The following WDR70 variants were observed in gnomAD, a reference collection of about 807,000 sequenced individuals.
WDR70 encodes WD repeat-containing protein 70.
Under a neutral mutation model 88.6 loss-of-function variants are expected in WDR70, and 53 were observed. The ratio of observed to expected loss-of-function variants is 0.60; its 90% CI spans 0.48 to 0.75. WDR70 has a LOEUF of 0.75. WDR70 is among the 30% of genes least tolerant of loss of function. The pLI is 0.00. For missense variants in WDR70, 610 were observed against 823.2 expected (o/e 0.74, Z 3.17); for synonymous variants, 280 against 270.0 (o/e 1.04, Z -0.36).
At chr5:37,483,720 G>A (rs545981987) in intron 8 of WDR70, among the ~76,000 whole-genome samples, 27 of 151,070 alleles carry the variant, frequency 1.8e-4, no homozygotes, top group African/African-American at 6.3e-4. Flanking sequence ...GCGGTGGCCT[G>A]GAGGAGGTGC....
intron 2 of WDR70, among the ~76,000 whole-genome samples, chr5:37,380,073 T>C (rs1748377575): frequency 6.6e-6 from 1 of 152,204 alleles, no homozygotes; most frequent in South Asian, 2.1e-4. Flanking sequence ...GTAGGTATTA[T>C]TATTTAAAAA....
intron 13 of WDR70, among the ~76,000 whole-genome samples, chr5:37,706,925 G>A (rs1747345113): frequency 6.6e-6 from 1 of 151,824 alleles, no homozygotes; most frequent in Admixed American, 6.6e-5. Context: ...TATGTATTAT[G>A]TAAAGGGCTT....
At chr5:37,456,530 A>G (rs551671700) in intron 7 of WDR70, among the ~76,000 whole-genome samples, 1 of 152,298 alleles carries the variant, frequency 6.6e-6, no homozygotes, top group South Asian at 2.1e-4. Context: ...AAATAGAAAA[A>G]GTAGTTTCCA....
At chr5:37,523,981 GA>G (rs1330092749) in intron 9 of WDR70, among the ~76,000 whole-genome samples, 1 of 152,212 alleles carries the variant, frequency 6.6e-6, no homozygotes, top group Non-Finnish European at 1.5e-5. Context: ...GGGACTATGT[GA>G]AAAGACCAAA....
chr5:37,475,189 G>T (rs1739440943), intron 7 of WDR70, among the ~76,000 whole-genome samples: 1 of 121,630 alleles, frequency 8.2e-6, no homozygotes, highest in Admixed American at 1.0e-4. Flanking sequence ...CAAAATGCTG[G>T]GATTATAGGT....
intron 10 of WDR70, among the ~76,000 whole-genome samples, chr5:37,613,983 G>A (rs1027799468): frequency 6.6e-6 from 1 of 152,188 alleles, no homozygotes; most frequent in Non-Finnish European, 1.5e-5. Context: ...TGTATGGCAA[G>A]CTAAGAATGG....
rs577426492 is a variant in WDR70 at position 37,735,551 on chromosome 5, G to T, written c.1877+8506G>T. 3.9e-5 allele frequency among the ~76,000 whole-genome samples: 6 copies of T among 152,184 alleles called. No individual in the cohort carries two copies. The South Asian group carries it at 1.2e-3, about 32-fold the overall frequency. On this transcript the variant is annotated intron_variant, in intron 17 of 17. Transcript: ENST00000265107. ...CGCTGCATTTTGCTATCATCTCTTT[G>T]CTTCCACCCAATTTCGTCACCTTGC...
chr5:37,679,690 C>T (rs1226290280), intron 10 of WDR70, among the ~76,000 whole-genome samples: 3 of 152,220 alleles, frequency 2.0e-5, no homozygotes, highest in Non-Finnish European at 4.4e-5. Flanking sequence ...GGATCAGGCA[C>T]CCACTTGAGG....
At chr5:37,504,836 T>A (rs1482214059) in intron 8 of WDR70, among the ~76,000 whole-genome samples, 1 of 152,198 alleles carries the variant, frequency 6.6e-6, no homozygotes, top group African/African-American at 2.4e-5. Context: ...GTCTGTAGAA[T>A]TCAGAACCCA....
intron 9 of WDR70, among the ~76,000 whole-genome samples, chr5:37,546,366 A>C (rs1741992011): frequency 6.6e-6 from 1 of 152,204 alleles, no homozygotes; most frequent in Non-Finnish European, 1.5e-5. Flanking sequence ...CTACACCTTC[A>C]AAAATGTTGG....
chr5:37,654,886 C>A (rs900075546), intron 10 of WDR70, among the ~76,000 whole-genome samples: 1 of 152,140 alleles, frequency 6.6e-6, no homozygotes, highest in South Asian at 2.1e-4. Context: ...ACTGATGGGT[C>A]TTGACTATTT....
At chr5:37,431,909 A>G (rs1161718235) in intron 5 of WDR70, among the ~76,000 whole-genome samples, 1 of 152,158 alleles carries the variant, frequency 6.6e-6, no homozygotes, top group Non-Finnish European at 1.5e-5. Flanking sequence ...AGACGGAAAA[A>G]TATTCTGTTT....
chr5:37,391,736 G>A (rs1181400719), intron 3 of WDR70, among the ~76,000 whole-genome samples: 2 of 152,200 alleles, frequency 1.3e-5, no homozygotes, highest in Non-Finnish European at 2.9e-5. Context: ...GGGTATACAA[G>A]TATCTTTTTT....
At position 37,483,135 on chromosome 5, in the gene WDR70, G is replaced by C. The variant is rs1337742748; in HGVS notation, c.840+3148G>C. On this transcript the variant is annotated intron_variant, in intron 8 of 17. Coordinates refer to ENST00000265107, the MANE Select transcript of WDR70 (RefSeq NM_018034.4). ...TTTTTTTTTTTAATTGATCATTCTT[G>C]GGTGTTTCTCGCAGAGGGGGATTTG... 2.7e-5 allele frequency among the ~76,000 whole-genome samples: 4 copies of C among 146,170 alleles called. No homozygotes were observed. In the East Asian group the frequency reaches 7.9e-4, roughly 29 times the overall value.
chr5:37,410,560 C>T (rs1015522387), intron 5 of WDR70, among the ~76,000 whole-genome samples: 6 of 152,078 alleles, frequency 3.9e-5, no homozygotes, highest in African/African-American at 1.2e-4. Context: ...TCCTAACTCC[C>T]TTACCTTTCT....
chr5:37,396,708 G>A, intron 5 of WDR70, 138 bp downstream of exon 5: 1 of 1,360,156 alleles, frequency 7.4e-7, no homozygotes, highest in Non-Finnish European at 9.6e-7. Context: ...CTTAACACCT[G>A]TAATCCCAGT....
At chr5:37,500,474 G>A (rs1337010406) in intron 8 of WDR70, among the ~76,000 whole-genome samples, 3 of 152,026 alleles carry the variant, frequency 2.0e-5, no homozygotes, top group Admixed American at 1.3e-4. Context: ...TTGTTGGATC[G>A]AACGGTAGAT....
At chr5:37,391,780 A>C (rs558804237) in intron 3 of WDR70, among the ~76,000 whole-genome samples, 2 of 152,236 alleles carry the variant, frequency 1.3e-5, no homozygotes, top group African/African-American at 2.4e-5. Context: ...GATATATACC[A>C]GAAGTGGAAT....
At chr5:37,673,583 A>ACTCTCCTCC (rs1746094113) in intron 10 of WDR70, among the ~76,000 whole-genome samples, 1 of 76,228 alleles carries the variant, frequency 1.3e-5, no homozygotes, top group Non-Finnish European at 2.4e-5. Context: ...GACTTTTCTT[A>ACTCTCCTCC]CCCCCCCCCC....
Sources: allele counts gnomAD v4.1 joint callset (sites outside exome capture counted in the v4.1 genomes callset), GRCh38; gene constraint gnomAD v4.1.1; transcripts MANE v1.5; gene names NCBI Gene and HGNC (gene_info 2026-07-23, HGNC 2026-07-21).